ATF7: variants seen among roughly 807,000 people sequenced by gnomAD.
ATF7 encodes the protein activating transcription factor 7, also known as cyclic AMP-dependent transcription factor ATF-7.
A neutral mutation model predicts 50.4 loss-of-function variants in ATF7; 10 were observed. The observed-to-expected ratio is 0.20, with a 90% CI of 0.12 to 0.34. The LOEUF (loss-of-function observed/expected upper bound fraction) is 0.34, where lower values mean the gene tolerates loss of function less well. Ranked by LOEUF, ATF7 falls within the 10% of genes least tolerant of loss-of-function variation. The probability of loss-of-function intolerance (pLI) is 1.00; values close to 1 mark genes in which losing one functional copy is unlikely to be tolerated. For missense variants in ATF7, 465 were observed against 613.9 expected (o/e 0.76, Z 2.56); for synonymous variants, 201 against 226.4 (o/e 0.89, Z 1.01).
chr12:53,572,519 G>T (rs906477652), intron 2 of ATF7, among the ~76,000 whole-genome samples: 1 of 152,150 alleles, frequency 6.6e-6, no homozygotes, highest in African/African-American at 2.4e-5. Context: ...GCTCTACTAG[G>T]TTCTTACGGT....
intron 4 of ATF7, among the ~76,000 whole-genome samples, chr12:53,541,028 C>T (rs1210021196): frequency 2.0e-5 from 3 of 152,108 alleles, no homozygotes; most frequent in Non-Finnish European, 2.9e-5. Context: ...CCAGGCCTCG[C>T]GCAGCCCTCT....
intron 4 of ATF7, chr12:53,543,048 T>C (rs968898468): frequency 7.7e-7 from 1 of 1,297,308 alleles, no homozygotes; most frequent in African/African-American, 1.5e-5. Flanking sequence ...ATATTTATAA[T>C]ATAAATATTT....
chr12:53,544,982 A>G (rs911424385), intron 3 of ATF7, among the ~76,000 whole-genome samples: 8 of 152,174 alleles, frequency 5.3e-5, no homozygotes, highest in Admixed American at 2.6e-4. Context: ...TCCCTGGATG[A>G]GTAGAAGTAG....
chr12:53,548,585 G>A (rs187696067), intron 3 of ATF7, among the ~76,000 whole-genome samples: 5 of 152,180 alleles, frequency 3.3e-5, no homozygotes, highest in South Asian at 2.1e-4. Flanking sequence ...CTCCTACCTC[G>A]GCCTCTCAAA....
intron 2 of ATF7, among the ~76,000 whole-genome samples, chr12:53,563,408 G>A (rs1157693130): frequency 1.3e-5 from 2 of 151,826 alleles, no homozygotes; most frequent in Non-Finnish European, 2.9e-5. Context: ...TTGACCCCAA[G>A]AGTTTGAGAC....
intron 8 of ATF7, 138 bp from the exon 9 acceptor site, chr12:53,532,034 G>GA: frequency 9.8e-7 from 1 of 1,018,058 alleles, no homozygotes; most frequent in Non-Finnish European, 1.4e-6. Flanking sequence ...GAGGAATTAA[G>GA]AGAAAATGAC....
intron 3 of ATF7, among the ~76,000 whole-genome samples, chr12:53,549,315 C>T (rs949074671): frequency 3.3e-5 from 5 of 151,482 alleles, no homozygotes; most frequent in African/African-American, 1.2e-4. Flanking sequence ...AAAAAATACC[C>T]CCCAAAACAA....
intron 2 of ATF7, among the ~76,000 whole-genome samples, chr12:53,589,229 A>G (rs373339428): frequency 6.6e-6 from 1 of 152,192 alleles, no homozygotes; most frequent in African/African-American, 2.4e-5. Context: ...ATACTGAGTA[A>G]CCCTGTACAA....
intron 3 of ATF7, among the ~76,000 whole-genome samples, chr12:53,550,790 A>T (rs1043211109): frequency 6.6e-6 from 1 of 152,204 alleles, no homozygotes; most frequent in Non-Finnish European, 1.5e-5. Flanking sequence ...GCGTAGATAT[A>T]TGATAGCTGA....
chr12:53,548,505 A>G (rs568753023), intron 3 of ATF7, among the ~76,000 whole-genome samples: 2 of 147,036 alleles, frequency 1.4e-5, no homozygotes, highest in Non-Finnish European at 3.0e-5. Context: ...CTAATTTTAA[A>G]ATTTTTTTGT....
chr12:53,583,384 T>C (rs1177823344), intron 2 of ATF7, among the ~76,000 whole-genome samples: 1 of 150,998 alleles, frequency 6.6e-6, no homozygotes, highest in Non-Finnish European at 1.5e-5. Flanking sequence ...TCTGTCACTA[T>C]CTCCCATCAC....
intron 11 of ATF7, among the ~76,000 whole-genome samples, chr12:53,519,912 G>A (rs1041720528): frequency 3.3e-5 from 5 of 151,948 alleles, no homozygotes; most frequent in Non-Finnish European, 5.9e-5. Context: ...ATGCCTGGCT[G>A]ATTTTTTTTA....
chr12:53,574,711 G>A (rs1941959337), intron 2 of ATF7: 3 of 162,902 alleles, frequency 1.8e-5, no homozygotes, highest in African/African-American at 7.2e-5. Context: ...TGGTTTATAA[G>A]AGACAGGCAG....
intron 5 of ATF7, among the ~76,000 whole-genome samples, chr12:53,536,645 T>C (rs1303818300): frequency 4.7e-5 from 7 of 149,930 alleles, no homozygotes; most frequent in Non-Finnish European, 8.9e-5. Flanking sequence ...CCTAGCACTT[T>C]GGGAGGCCGA....
chr12:53,533,404 G>T, intron 6 of ATF7, 145 bp from the exon 7 acceptor site: 1 of 628,116 alleles, frequency 1.6e-6, no homozygotes, highest in Admixed American at 2.9e-5. Context: ...CCTCATGAAG[G>T]TGAGAAGGCA....
chr12:53,613,810 A>G (rs2137899297), intron 1 of ATF7, among the ~76,000 whole-genome samples: 1 of 135,010 alleles, frequency 7.4e-6, no homozygotes, highest in South Asian at 2.7e-4. Flanking sequence ...TACAGGTGTG[A>G]GCCACTAGGC....
At chr12:53,599,157 C>T (rs1208875404) in intron 2 of ATF7, among the ~76,000 whole-genome samples, 10 of 152,110 alleles carry the variant, frequency 6.6e-5, no homozygotes, top group Non-Finnish European at 1.5e-4. Flanking sequence ...CATCAGCCTC[C>T]CAAGTAGCTG....
intron 1 of ATF7, among the ~76,000 whole-genome samples, chr12:53,623,173 GTATC>G (rs140818223): frequency 1.9e-3 from 282 of 152,284 alleles, no homozygotes; most frequent in African/African-American, 6.5e-3. Flanking sequence ...ATGGAACAGG[GTATC>G]TGTGAAGTGG....
intron 7 of ATF7, 30 bp downstream of exon 7, chr12:53,533,130 A>G: frequency 6.5e-7 from 1 of 1,541,806 alleles, no homozygotes; most frequent in East Asian, 2.2e-5. Flanking sequence ...CCATGTTGGT[A>G]GGGTTGGCTG....
Sources: allele counts gnomAD v4.1 joint callset (sites outside exome capture counted in the v4.1 genomes callset), GRCh38; gene constraint gnomAD v4.1.1; transcripts MANE v1.5; gene names NCBI Gene and HGNC (gene_info 2026-07-23, HGNC 2026-07-21).